The following PAK2 variants were observed in gnomAD, a reference collection of about 807,000 sequenced individuals.
PAK2 encodes p21 (RAC1) activated kinase 2.
A neutral mutation model predicts 65.9 loss-of-function variants in PAK2; 21 were observed. The ratio of observed to expected loss-of-function variants is 0.32; its 90% CI spans 0.23 to 0.46. The LOEUF (loss-of-function observed/expected upper bound fraction) is 0.46, where lower values mean the gene tolerates loss of function less well. Among genes scored for constraint, PAK2 ranks in the 20% least tolerant of loss-of-function variants. The pLI, the probability that PAK2 is intolerant of heterozygous loss-of-function variation, is 1.00. For missense variants in PAK2, 324 were observed against 642.6 expected (o/e 0.50, Z 5.36); for synonymous variants, 204 against 219.7 (o/e 0.93, Z 0.63).
At chr3:196,743,572 G>A (rs1227074083) in intron 1 of PAK2, among the ~76,000 whole-genome samples, 1 of 152,106 alleles carries the variant, frequency 6.6e-6, no homozygotes, top group African/African-American at 2.4e-5. Flanking sequence ...TCTAGGCCGG[G>A]TGCGGTGGCT....
At chr3:196,750,321 A>T (rs1713531875) in intron 1 of PAK2, among the ~76,000 whole-genome samples, 1 of 151,958 alleles carries the variant, frequency 6.6e-6, no homozygotes, top group South Asian at 2.1e-4. Context: ...ATCTTTTTGT[A>T]GAGACGGTTC....
intron 1 of PAK2, among the ~76,000 whole-genome samples, chr3:196,765,191 A>G (rs9875920): frequency 0.01 from 1,376 of 134,130 alleles, 20 homozygotes; most frequent in African/African-American, 0.038. Context: ...TCTGTCACCC[A>G]GACTGGAGTG....
chr3:196,798,706 C>T lies in PAK2; in HGVS notation c.188-3221C>T, dbSNP rs540781609. Among the ~76,000 whole-genome samples the T allele has an allele frequency of 1.1e-3, 168 of 152,174 alleles. 1 individual carries two copies. Among genetic ancestry groups the T allele is most frequent in the African/African-American group, 3.6e-3 (149 of 41,518 alleles). ...CCAGCAGTGTATAAAAAGGGTAATA[C>T]ATCATGACCAAGTGGATTTCGTTGG... On this transcript the variant is annotated intron_variant, in intron 2 of 14. Coordinates refer to ENST00000327134, the MANE Select transcript of PAK2 (RefSeq NM_002577.4).
chr3:196,774,477 A>G (rs1714472613), intron 1 of PAK2, among the ~76,000 whole-genome samples: 1 of 152,334 alleles, frequency 6.6e-6, no homozygotes, highest in Admixed American at 6.5e-5. Context: ...TGACCTCAGG[A>G]AGGAAATCAT....
At chr3:196,765,141 G>A (rs534716654) in intron 1 of PAK2, among the ~76,000 whole-genome samples, 1 of 127,142 alleles carries the variant, frequency 7.9e-6, no homozygotes, top group Non-Finnish European at 1.6e-5. Flanking sequence ...ACCGTGCCCG[G>A]CCTTTTTTTT....
intron 14 of PAK2, 54 bp downstream of exon 14, chr3:196,827,387 A>G (rs1711913419): frequency 2.5e-6 from 4 of 1,571,862 alleles, no homozygotes; most frequent in Middle Eastern, 1.7e-4. Flanking sequence ...TTGGTAACCG[A>G]CAGAAAGCTT....
At chr3:196,780,410 G>A (rs762525922) in intron 1 of PAK2, among the ~76,000 whole-genome samples, 11 of 152,226 alleles carry the variant, frequency 7.2e-5, no homozygotes, top group Non-Finnish European at 1.5e-4. Flanking sequence ...AGCAAGTCAC[G>A]TCTTACGTGG....
intron 11 of PAK2, among the ~76,000 whole-genome samples, chr3:196,815,135 A>T (rs374899440): frequency 1.3e-5 from 2 of 151,300 alleles, no homozygotes; most frequent in African/African-American, 2.4e-5. Flanking sequence ...AGCCGAGATC[A>T]CACCACTGCA....
chr3:196,781,843 C>A (rs1714724431), intron 1 of PAK2, among the ~76,000 whole-genome samples: 1 of 152,174 alleles, frequency 6.6e-6, no homozygotes, highest in African/African-American at 2.4e-5. Context: ...GTGGCTCACA[C>A]CTATAATCCC....
intron 2 of PAK2, among the ~76,000 whole-genome samples, chr3:196,789,482 C>CTTTTTTTTT (rs60083205): frequency 1.8e-4 from 27 of 150,570 alleles, no homozygotes; most frequent in African/African-American, 4.9e-4. Context: ...TTTCTTTTTT[C>CTTTTTTTTT]TTTTTTGTTT....
chr3:196,827,183 CT>C lies in PAK2; in HGVS notation c.1351-11del. 6.4e-7 allele frequency: 1 copy of C among 1,573,610 alleles called. No homozygotes were observed. The highest frequency in any genetic ancestry group is 8.7e-7 in the Non-Finnish European group (1 of 1,151,348). On this transcript the variant is annotated splice_polypyrimidine_tract_variant and intron_variant, in intron 13 of 14. Transcript: ENST00000327134. ...CTATCTTAAGTGGATCAAAGATGTT[CT>C]TCTATTTTTAGGCCTTGTACCTAAT...
chr3:196,826,902 CA>C, intron 13 of PAK2, among the ~76,000 whole-genome samples: 1 of 151,850 alleles, frequency 6.6e-6, no homozygotes, highest in East Asian at 1.9e-4. Flanking sequence ...GCCTGGGTGA[CA>C]GAGCAAGATT....
rs1491521540 is a variant in PAK2, at chr3:196,751,663, T to TTTTATATATATATATATATA, written c.-22+11507_-22+11508insTTATATATATATATATATAT. On this transcript the variant is annotated intron_variant, in intron 1 of 14. Transcript: ENST00000327134. ...CTGTCCCCCCAAAAAACACACAAAT[T>TTTTATATATATATATATATA]TATTTATATACATATATATATATAT... 2.0e-3 allele frequency among the ~76,000 whole-genome samples: 90 copies of TTTTATATATATATATATATA among 45,698 alleles called. 2 individuals are homozygous for TTTTATATATATATATATATA. The highest frequency in any genetic ancestry group is 9.5e-3 in the African/African-American group (83 of 8,756). The allele number at this position is 45,698 out of a possible 152,430, so 30.0% of individuals were successfully genotyped here. A position where few individuals can be genotyped will look rare whatever the true frequency, so the allele number is the denominator to read the frequency against.
At chr3:196,744,864 G>C (rs1713320573) in intron 1 of PAK2, among the ~76,000 whole-genome samples, 1 of 151,922 alleles carries the variant, frequency 6.6e-6, no homozygotes, top group Non-Finnish European at 1.5e-5. Context: ...ATGTCTTTGT[G>C]CACATGCATA....
intron 1 of PAK2, among the ~76,000 whole-genome samples, chr3:196,779,852 G>A (rs751241659): frequency 1.3e-5 from 2 of 152,078 alleles, no homozygotes; most frequent in Middle Eastern, 3.2e-3. Flanking sequence ...TGTATTTTTC[G>A]TAGAGACAGG....
chr3:196,803,878 G>A (rs1368157992), intron 4 of PAK2, among the ~76,000 whole-genome samples: 1 of 152,074 alleles, frequency 6.6e-6, no homozygotes, highest in Non-Finnish European at 1.5e-5. Flanking sequence ...TGTAAGAGTT[G>A]GTGTAGTGGA....
chr3:196,757,799 C>T lies in PAK2; in HGVS notation c.-22+17642C>T, dbSNP rs71323746. 7.3e-4 allele frequency among the ~76,000 whole-genome samples: 111 copies of T among 152,070 alleles called. 1 individual carries two copies. The highest frequency in any genetic ancestry group is 2.5e-3 in the African/African-American group (105 of 41,470). On this transcript the variant is annotated intron_variant, in intron 1 of 14. Coordinates refer to ENST00000327134, the MANE Select transcript of PAK2 (RefSeq NM_002577.4). The stretch of plus-strand genomic sequence containing the variant: ...CAGGAAGATGATCTGCGATAAATAC[C>T]GAGAATACTCGCGTTAGATACTGAA...
intron 1 of PAK2, among the ~76,000 whole-genome samples, chr3:196,751,648 A>C (rs1414485295): frequency 3.0e-5 from 3 of 100,874 alleles, no homozygotes; most frequent in Non-Finnish European, 5.7e-5. Flanking sequence ...CTGTCCCCCC[A>C]AAAAACACAC....
chr3:196,792,562 C>T (rs182706185), intron 2 of PAK2, among the ~76,000 whole-genome samples: 78 of 152,172 alleles, frequency 5.1e-4, no homozygotes, highest in Non-Finnish European at 8.2e-4. Context: ...AGCATAAATC[C>T]CTCATTACTA....
Sources: allele counts gnomAD v4.1 joint callset (sites outside exome capture counted in the v4.1 genomes callset), GRCh38; gene constraint gnomAD v4.1.1; transcripts MANE v1.5; gene names NCBI Gene and HGNC (gene_info 2026-07-23, HGNC 2026-07-21).